TDRD9: variants seen among roughly 807,000 people sequenced by gnomAD.
The protein encoded by TDRD9 is ATP-dependent RNA helicase TDRD9.
A neutral mutation model predicts 172.6 loss-of-function variants in TDRD9; 124 were observed. The ratio of observed to expected loss-of-function variants is 0.72; its 90% CI spans 0.62 to 0.83. TDRD9 has a LOEUF of 0.83. TDRD9 is among the 40% of genes least tolerant of loss of function. The probability of loss-of-function intolerance (pLI) is 0.00; values close to 1 mark genes in which losing one functional copy is unlikely to be tolerated. For synonymous variants in TDRD9, 619 were observed against 617.1 expected (o/e 1.00, Z -0.05); for missense variants, 1,479 against 1,714.1 (o/e 0.86, Z 2.42).
rs1259647200 is a variant in TDRD9, at chr14:104,051,971, A to G, written c.4048-10A>G. The G allele has an allele frequency of 5.7e-6, 9 of 1,577,404 alleles. No individual in the cohort carries two copies. The Admixed American group carries it at 1.3e-4, about 22-fold the overall frequency. ...CAGAGCCTGACTGGTCCGCTTGTCT[A>G]CCCCATTAGGTTGATCCAAAGCTGG... On this transcript the variant is annotated splice_polypyrimidine_tract_variant and intron_variant, in intron 35 of 35. Coordinates refer to ENST00000409874, the MANE Select transcript of TDRD9 (RefSeq NM_153046.3).
intron 1 of TDRD9, among the ~76,000 whole-genome samples, chr14:103,952,220 ATTTTTTTTTTTTTTTTTTTTTT>A (rs61410445): frequency 3.1e-5 from 1 of 32,320 alleles, no homozygotes; most frequent in South Asian, 1.2e-3. Flanking sequence ...ATATATATAT[ATTTTTTTTTTTTTTTTTTTTTT>A]TTTTTTTTTT....
chr14:104,046,028 C>A (rs892764858), intron 34 of TDRD9, among the ~76,000 whole-genome samples: 4 of 152,196 alleles, frequency 2.6e-5, no homozygotes, highest in Non-Finnish European at 5.9e-5. Flanking sequence ...GCAGTCTCGA[C>A]TCACTGCAGC....
At chr14:104,046,082 G>A (rs1304009894) in intron 34 of TDRD9, among the ~76,000 whole-genome samples, 3 of 152,098 alleles carry the variant, frequency 2.0e-5, no homozygotes, top group East Asian at 1.9e-4. Flanking sequence ...TCAGCCTCCC[G>A]AGTAGCTGGG....
chr14:103,929,030 C>G (rs968170148), intron 1 of TDRD9: 18 of 166,766 alleles, frequency 1.1e-4, no homozygotes, highest in African/African-American at 3.9e-4. Flanking sequence ...CCATAGGCCC[C>G]TTCCCTCCCA....
At position 104,025,789 on chromosome 14, in the gene TDRD9, G is replaced by C. The variant is rs778651080; in HGVS notation, c.2931+13G>C. 2 of 1,595,080 alleles carry C rather than the reference G, an allele frequency of 1.3e-6. No homozygotes were observed. Among genetic ancestry groups the C allele is most frequent in the East Asian group, 2.2e-5 (1 of 44,798 alleles). ...AAATTCTGCTGAGGTAGGTTTTTCT[G>C]TAACAAGTCACTGGAAGGGAAATGA... is the stretch of plus-strand genomic sequence containing the variant. On this transcript the variant is annotated intron_variant, in intron 26 of 35. Coordinates refer to ENST00000409874, the MANE Select transcript of TDRD9 (RefSeq NM_153046.3).
At chr14:103,929,142 G>T (rs2030192890) in intron 1 of TDRD9, among the ~76,000 whole-genome samples, 1 of 151,990 alleles carries the variant, frequency 6.6e-6, no homozygotes. Context: ...GTTACAGGAG[G>T]GTTCACGCCT....
rs1381969235 is a variant in TDRD9, at chr14:104,018,082, T to C, written c.2332-10T>C. ...AGTAATCTGCTCTGATTTTGTGTTA[T>C]ATTTTACAGTTGAAACACATTCCTC... is the stretch of plus-strand genomic sequence containing the variant. On this transcript the variant is annotated splice_polypyrimidine_tract_variant and intron_variant, in intron 22 of 35. Transcript: ENST00000409874. 6.6e-7 allele frequency: 1 copy of C among 1,511,212 alleles called. No individual in the cohort carries two copies. The allele number at this position is 1,511,212 out of a possible 1,614,324, so 93.6% of individuals were successfully genotyped here. A position where few individuals can be genotyped will look rare whatever the true frequency, so the allele number is the denominator to read the frequency against.
At chr14:104,034,908 C>T in intron 31 of TDRD9, 52 bp from the exon 32 acceptor site, 1 of 1,432,456 alleles carries the variant, frequency 7.0e-7, no homozygotes. Flanking sequence ...GGGAACGCTG[C>T]CCTGAGCAGC....
intron 7 of TDRD9, among the ~76,000 whole-genome samples, chr14:103,976,270 C>CT (rs1566753299): frequency 1.3e-5 from 2 of 150,702 alleles, no homozygotes; most frequent in African/African-American, 2.4e-5. Flanking sequence ...CCATTCATCT[C>CT]TTTTTTTTCT....
intron 34 of TDRD9, among the ~76,000 whole-genome samples, chr14:104,044,674 T>A (rs1368527190): frequency 6.6e-6 from 1 of 152,266 alleles, no homozygotes; most frequent in African/African-American, 2.4e-5. Flanking sequence ...GCCACTTTTT[T>A]AATCCATTCA....
chr14:104,009,870 A>G (rs1595982019), intron 20 of TDRD9, among the ~76,000 whole-genome samples: 2 of 151,942 alleles, frequency 1.3e-5, no homozygotes, highest in East Asian at 3.9e-4. Flanking sequence ...GGCTCAAGCA[A>G]TTCTCCTGCC....
chr14:104,034,647 GA>G (rs1275801187), intron 31 of TDRD9, among the ~76,000 whole-genome samples: 1 of 152,196 alleles, frequency 6.6e-6, no homozygotes, highest in East Asian at 1.9e-4. Context: ...CTACAGAGTA[GA>G]ATACATCCAA....
intron 1 of TDRD9, chr14:103,939,740 A>ATTTTTTTTTTT (rs2031073832): frequency 9.4e-5 from 1 of 10,678 alleles, no homozygotes. Context: ...TTTGAAAAAA[A>ATTTTTTTTTTT]GTGTTTTTTT....
chr14:103,941,314 A>G, intron 1 of TDRD9: 1 of 1,087,330 alleles, frequency 9.2e-7, no homozygotes, highest in Non-Finnish European at 1.3e-6. Context: ...AATTTACATG[A>G]TAGAATACAG....
intron 1 of TDRD9, among the ~76,000 whole-genome samples, chr14:103,938,788 T>C (rs1395457158): frequency 6.6e-6 from 1 of 152,096 alleles, no homozygotes; most frequent in African/African-American, 2.4e-5. Context: ...GTATTATAAA[T>C]AGCCTAGTGT....
intron 2 of TDRD9, among the ~76,000 whole-genome samples, chr14:103,962,606 A>G (rs2032559109): frequency 6.6e-6 from 1 of 152,178 alleles, no homozygotes; most frequent in Admixed American, 6.5e-5. Flanking sequence ...CACAGTACCC[A>G]GTAGGAAGTT....
intron 13 of TDRD9, among the ~76,000 whole-genome samples, 186 bp downstream of exon 13, chr14:103,998,914 T>A (rs555074335): frequency 2.0e-5 from 3 of 151,972 alleles, no homozygotes; most frequent in Non-Finnish European, 4.4e-5. Context: ...TGCCTCAGCC[T>A]CCCGAGTTGC....
At chr14:103,988,802 C>T (rs550519901) in intron 8 of TDRD9, among the ~76,000 whole-genome samples, 1 of 151,826 alleles carries the variant, frequency 6.6e-6, no homozygotes, top group Non-Finnish European at 1.5e-5. Context: ...AATTGATCCT[C>T]CCACCTCAGC....
At position 103,963,718 on chromosome 14, in the gene TDRD9, C is replaced by T. The variant is rs192790306; in HGVS notation, c.420+542C>T. Among the ~76,000 whole-genome samples the T allele has an allele frequency of 2.6e-3, 401 of 152,254 alleles. 2 individuals carry two copies. The highest frequency in any genetic ancestry group is 9.2e-3 in the African/African-American group (381 of 41,542). ...GTTATTAAGCATCGTTAAGAGTAAG[C>T]GTATCGGAACCTTTATTAACTGGAA... On this transcript the variant is annotated intron_variant, in intron 3 of 35. Coordinates refer to ENST00000409874, the MANE Select transcript of TDRD9 (RefSeq NM_153046.3).
Sources: gnomAD v4.1 joint callset for allele counts (sites outside exome capture counted in the v4.1 genomes callset) on GRCh38, gnomAD v4.1.1 for gene constraint, MANE v1.5 for transcripts, NCBI Gene and HGNC (gene_info 2026-07-23, HGNC 2026-07-21) for gene names.